Variants in TCF12 observed in about 807,000 individuals in gnomAD.
TCF12 encodes the protein transcription factor 12, also known as DNA-binding protein HTF4.
A neutral mutation model predicts 86.0 loss-of-function variants in TCF12; 45 were observed. That is an observed-to-expected ratio of 0.52 (90% CI 0.41 to 0.67). TCF12 has a LOEUF of 0.67. Among genes scored for constraint, TCF12 ranks in the 30% least tolerant of loss-of-function variants. TCF12 has a pLI of 0.00. For missense variants in TCF12, 881 were observed against 859.9 expected (o/e 1.02, Z -0.31); for synonymous variants, 330 against 299.6 (o/e 1.10, Z -1.05).
intron 8 of TCF12, among the ~76,000 whole-genome samples, chr15:57,200,894 A>T (rs12324235): frequency 0.19 from 28,628 of 152,104 alleles, 3,323 homozygotes; most frequent in Non-Finnish European, 0.25. Flanking sequence ...TGAATGGTTC[A>T]CCTAAATCTG....
intron 5 of TCF12, among the ~76,000 whole-genome samples, chr15:57,150,064 A>G (rs2011551): frequency 0.053 from 8,128 of 152,214 alleles, 412 homozygotes; most frequent in African/African-American, 0.13. Flanking sequence ...CACTGCCTGT[A>G]GGAAGATTCT....
intron 3 of TCF12, among the ~76,000 whole-genome samples, chr15:56,932,763 C>T (rs1198245303): frequency 1.3e-5 from 2 of 152,118 alleles, no homozygotes; most frequent in Admixed American, 6.6e-5. Context: ...CAGGGTTTCA[C>T]TGTGTTGGCC....
intron 3 of TCF12, among the ~76,000 whole-genome samples, chr15:56,975,452 A>G (rs574156149): frequency 1.3e-5 from 2 of 152,304 alleles, no homozygotes; most frequent in East Asian, 1.9e-4. Flanking sequence ...GGGTCTTTTA[A>G]TGATTGTTAA....
At chr15:57,110,434 T>C (rs2050408694) in intron 5 of TCF12, among the ~76,000 whole-genome samples, 1 of 152,190 alleles carries the variant, frequency 6.6e-6, no homozygotes, top group African/African-American at 2.4e-5. Flanking sequence ...ACCTAATGTG[T>C]ATCACATTTT....
intron 3 of TCF12, among the ~76,000 whole-genome samples, chr15:56,978,916 C>T (rs1283612863): frequency 1.3e-5 from 2 of 152,180 alleles, no homozygotes; most frequent in East Asian, 3.8e-4. Context: ...GTGGCTGTGA[C>T]TGAGCAACTG....
intron 5 of TCF12, among the ~76,000 whole-genome samples, chr15:57,136,856 G>A (rs951243470): frequency 2.7e-5 from 4 of 149,848 alleles, no homozygotes; most frequent in African/African-American, 7.4e-5. Context: ...TTCCCATGTC[G>A]CCCAGGCTGG....
intron 3 of TCF12, among the ~76,000 whole-genome samples, chr15:57,037,583 G>C (rs2066593890): frequency 6.6e-6 from 1 of 152,162 alleles, no homozygotes; most frequent in Admixed American, 6.5e-5. Flanking sequence ...GTATTGTCTT[G>C]GGTCTTGGTA....
chr15:57,017,847 A>G (rs1353626505), intron 3 of TCF12, among the ~76,000 whole-genome samples: 1 of 151,352 alleles, frequency 6.6e-6, no homozygotes, highest in Non-Finnish European at 1.5e-5. Context: ...TTAAATATAC[A>G]TGTATATTTC....
intron 3 of TCF12, among the ~76,000 whole-genome samples, chr15:56,942,394 T>C (rs574142538): frequency 6.6e-6 from 1 of 152,334 alleles, no homozygotes; most frequent in East Asian, 1.9e-4. Context: ...ACTATCTCAT[T>C]GATGTTTAAA....
intron 5 of TCF12, among the ~76,000 whole-genome samples, chr15:57,131,324 G>A (rs914307698): frequency 1.2e-4 from 19 of 152,034 alleles, no homozygotes; most frequent in Admixed American, 7.2e-4. Flanking sequence ...AGCTTTAACC[G>A]AGCTATTGCA....
At chr15:57,075,064 C>G (rs2069765079) in intron 4 of TCF12, among the ~76,000 whole-genome samples, 1 of 152,122 alleles carries the variant, frequency 6.6e-6, no homozygotes, top group South Asian at 2.1e-4. Context: ...ATTTAAATGT[C>G]ATTTTACATC....
At chr15:57,211,696 G>T (rs932565797) in intron 8 of TCF12, among the ~76,000 whole-genome samples, 1 of 152,218 alleles carries the variant, frequency 6.6e-6, no homozygotes, top group Admixed American at 6.5e-5. Context: ...GCCCATGCCT[G>T]TAATCTCAGC....
At chr15:57,138,390 C>T (rs1028663017) in intron 5 of TCF12, among the ~76,000 whole-genome samples, 1 of 152,186 alleles carries the variant, frequency 6.6e-6, no homozygotes, top group Admixed American at 6.5e-5. Flanking sequence ...AAGCCTTCTT[C>T]TCTTACCCTG....
At chr15:57,157,936 A>AT (rs1397275943) in intron 5 of TCF12, among the ~76,000 whole-genome samples, 1 of 151,974 alleles carries the variant, frequency 6.6e-6, no homozygotes, top group Non-Finnish European at 1.5e-5. Context: ...TTCATTTAGA[A>AT]TTTTTTACTA....
chr15:57,197,784 G>C lies in TCF12; in HGVS notation c.538G>C (p.Ala180Pro), dbSNP rs777356892. ...HDSAALDPLQ[A>P]KKVRKVPPGL... ...TTTTCCATCTGCAGATCCCTTGCAA[G>C]CAAAAAAAGTCAGAAAGGTGCCTCC... The change falls in exon 8 of 21, where the codon GCA becomes CCA. Residue 180 changes from alanine to proline, a missense_variant. Physicochemically the swap from Ala to Pro is conservative, Grantham distance 27. Coordinates refer to ENST00000333725, the MANE Select transcript of TCF12 (RefSeq NM_207037.2). The C allele has an allele frequency of 6.2e-7, 1 of 1,613,810 alleles. No homozygotes were observed. Among genetic ancestry groups the C allele is most frequent in the Non-Finnish European group, 8.5e-7 (1 of 1,179,886 alleles).
chr15:57,270,521 A>G (rs1189232474), intron 18 of TCF12, among the ~76,000 whole-genome samples: 1 of 152,076 alleles, frequency 6.6e-6, no homozygotes, highest in Admixed American at 6.6e-5. Context: ...TTTAGCTTGG[A>G]GAACAGCTTT....
At chr15:57,174,227 T>C (rs1441576644) in intron 6 of TCF12, among the ~76,000 whole-genome samples, 2 of 152,200 alleles carry the variant, frequency 1.3e-5, no homozygotes, top group African/African-American at 4.8e-5. Context: ...ACAACACGTG[T>C]GGTTTGTAGG....
In TCF12 at chr15:56,934,973, A is replaced by C. The variant is rs112003179; in HGVS notation, c.148+13875A>C. Reference sequence around the variant, plus strand: ...CTGTCTCAGCTTCTCTCTTTGTAATAATTCCTAATGCTTTCTTGAAGATCT... The same window carrying C: ...CTGTCTCAGCTTCTCTCTTTGTAATCATTCCTAATGCTTTCTTGAAGATCT... On this transcript the variant is annotated intron_variant, in intron 3 of 20. Transcript: ENST00000333725. Among the ~76,000 whole-genome samples, 137 of 152,316 alleles carry C rather than the reference A, an allele frequency of 9.0e-4. 4 individuals are homozygous for C. Among genetic ancestry groups the C allele is most frequent in the African/African-American group, 3.2e-3 (135 of 41,572 alleles).
intron 3 of TCF12, among the ~76,000 whole-genome samples, chr15:56,953,878 CTT>C (rs1223090053): frequency 2.3e-5 from 3 of 131,638 alleles, no homozygotes; most frequent in African/African-American, 5.5e-5. Context: ...GTTCCTTGGC[CTT>C]TTTTTTTTTT....
Sources: gnomAD v4.1 joint callset for allele counts (sites outside exome capture counted in the v4.1 genomes callset) on GRCh38, gnomAD v4.1.1 for gene constraint, MANE v1.5 for transcripts, NCBI Gene and HGNC (gene_info 2026-07-23, HGNC 2026-07-21) for gene names.